Variants in FOXN3 observed in about 807,000 individuals in gnomAD.
FOXN3 encodes forkhead box N3.
In FOXN3, 7 loss-of-function variants were observed where a neutral mutation model predicts 38.4. The observed-to-expected ratio is 0.18, with a 90% CI of 0.10 to 0.34. The LOEUF (loss-of-function observed/expected upper bound fraction) is 0.34, where lower values mean the gene tolerates loss of function less well. Among genes scored for constraint, FOXN3 ranks in the 10% least tolerant of loss-of-function variants. The pLI is 1.00. For synonymous variants in FOXN3, 230 were observed against 242.2 expected (o/e 0.95, Z 0.47); for missense variants, 456 against 613.4 (o/e 0.74, Z 2.71).
chr14:89,412,544 G>T lies in FOXN3; in HGVS notation c.-14-54C>A. 2 of 1,466,428 alleles carry T rather than the reference G, an allele frequency of 1.4e-6. No individual in the cohort carries two copies. The highest frequency in any genetic ancestry group is 1.3e-5 in the South Asian group (1 of 76,136). The allele number at this position is 1,466,428 out of a possible 1,614,324, so 90.8% of individuals were successfully genotyped here. ...AGCTGGCGAGGCCCAAAACAGAAAG[G>T]CAGACTGTACCCCTCTGATCCTGTT... is the stretch of plus-strand genomic sequence containing the variant. On this transcript the variant is annotated intron_variant, in intron 1 of 5. Coordinates refer to ENST00000557258, the MANE Select transcript of FOXN3 (RefSeq NM_005197.4). This position sits in a 1 kb window ranked among gnomAD's most constrained non-coding sequence, Gnocchi z 4.7.
intron 1 of FOXN3, among the ~76,000 whole-genome samples, chr14:89,461,236 C>G (rs1418365596): frequency 4.1e-5 from 6 of 147,422 alleles, no homozygotes; most frequent in Non-Finnish European, 9.0e-5. Flanking sequence ...ACTCGGGAGG[C>G]TGAGGCAGGA....
intron 1 of FOXN3, among the ~76,000 whole-genome samples, chr14:89,432,472 G>A (rs189133756): frequency 6.6e-6 from 1 of 152,170 alleles, no homozygotes; most frequent in East Asian, 1.9e-4. Flanking sequence ...GCCAGGCACC[G>A]TGCCAAGAGC....
chr14:89,526,363 C>T (rs1894432553), intron 1 of FOXN3, among the ~76,000 whole-genome samples: 1 of 151,840 alleles, frequency 6.6e-6, no homozygotes. Flanking sequence ...GTAGAAAATC[C>T]CAAAGAATCT....
intron 1 of FOXN3, among the ~76,000 whole-genome samples, chr14:89,555,705 A>G (rs1895101919): frequency 6.6e-6 from 1 of 152,186 alleles, no homozygotes; most frequent in South Asian, 2.1e-4. Flanking sequence ...TAACCAGGTA[A>G]GGAGGCATAA....
At chr14:89,498,594 T>C (rs1893735628) in intron 1 of FOXN3, among the ~76,000 whole-genome samples, 1 of 152,184 alleles carries the variant, frequency 6.6e-6, no homozygotes, top group South Asian at 2.1e-4. Flanking sequence ...CAATTTGGGT[T>C]ATTCCTGACC....
chr14:89,193,074 G>C (rs971765096), intron 4 of FOXN3, among the ~76,000 whole-genome samples: 4 of 152,098 alleles, frequency 2.6e-5, no homozygotes, highest in Non-Finnish European at 5.9e-5. Flanking sequence ...CCTTTCTCAG[G>C]GGGTAGCCAA....
chr14:89,370,965 CACA>C (rs567948676), intron 2 of FOXN3, among the ~76,000 whole-genome samples: 103 of 150,406 alleles, frequency 6.8e-4, no homozygotes, highest in African/African-American at 2.4e-3. Flanking sequence ...GGTTCCCCAA[CACA>C]ACAACAAAAC....
At chr14:89,331,873 G>A (rs973183109) in intron 3 of FOXN3, among the ~76,000 whole-genome samples, 3 of 152,108 alleles carry the variant, frequency 2.0e-5, no homozygotes, top group Admixed American at 1.3e-4. Flanking sequence ...CCATTACGGA[G>A]TGGTAATCTT....
chr14:89,384,026 G>A (rs977637151), intron 2 of FOXN3, among the ~76,000 whole-genome samples: 1 of 152,172 alleles, frequency 6.6e-6, no homozygotes, highest in Non-Finnish European at 1.5e-5. Context: ...TTTGGTGGGG[G>A]GGGACATTTC....
chr14:89,570,403 A>G (rs1895467527), intron 1 of FOXN3, among the ~76,000 whole-genome samples: 1 of 152,082 alleles, frequency 6.6e-6, no homozygotes, highest in South Asian at 2.1e-4. Context: ...TGCTCCACCC[A>G]AGCAGTGTGG....
chr14:89,571,077 CTT>C (rs1895478941), intron 1 of FOXN3, among the ~76,000 whole-genome samples: 1 of 152,222 alleles, frequency 6.6e-6, no homozygotes, highest in Non-Finnish European at 1.5e-5. Context: ...TCCCCTCAAA[CTT>C]TTGTTCAAAA....
intron 3 of FOXN3, among the ~76,000 whole-genome samples, chr14:89,330,612 C>A (rs999549160): frequency 9.9e-5 from 15 of 152,146 alleles, no homozygotes; most frequent in African/African-American, 3.6e-4. Flanking sequence ...GGCTAAAGAC[C>A]AACTGATGAA....
chr14:89,545,500 T>G (rs1894866470), intron 1 of FOXN3, among the ~76,000 whole-genome samples: 1 of 152,186 alleles, frequency 6.6e-6, no homozygotes, highest in Non-Finnish European at 1.5e-5. Context: ...CATGTCCCAT[T>G]CGTGGCCTCC....
intron 2 of FOXN3, among the ~76,000 whole-genome samples, chr14:89,397,793 T>C (rs1342583356): frequency 6.6e-6 from 1 of 152,192 alleles, no homozygotes; most frequent in Non-Finnish European, 1.5e-5. Flanking sequence ...AGTTTCCCCA[T>C]CTGCAAAGAG....
At chr14:89,583,271 A>G (rs953289971) in intron 1 of FOXN3, among the ~76,000 whole-genome samples, 9 of 152,304 alleles carry the variant, frequency 5.9e-5, no homozygotes, top group Middle Eastern at 3.4e-3. Flanking sequence ...CTCATCCCCA[A>G]TGCAGCATTG....
chr14:89,291,744 T>C, intron 3 of FOXN3: 2 of 370,298 alleles, frequency 5.4e-6, no homozygotes, highest in Middle Eastern at 9.1e-4. Context: ...TGGGACTTCA[T>C]TCCTTGAACG....
intron 4 of FOXN3, among the ~76,000 whole-genome samples, chr14:89,254,779 G>A (rs770049561): frequency 6.6e-6 from 1 of 152,020 alleles, no homozygotes; most frequent in Non-Finnish European, 1.5e-5. Flanking sequence ...CCTTCCTAGG[G>A]GGCCTGAGAA....
intron 1 of FOXN3, among the ~76,000 whole-genome samples, chr14:89,463,072 C>G (rs373352910): frequency 3.3e-5 from 5 of 151,032 alleles, no homozygotes; most frequent in Non-Finnish European, 5.9e-5. Context: ...GGGCGGATCA[C>G]GAGGTCAGGA....
At chr14:89,284,174 AT>A (rs968755681) in intron 3 of FOXN3, among the ~76,000 whole-genome samples, 9 of 149,142 alleles carry the variant, frequency 6.0e-5, no homozygotes, top group East Asian at 3.9e-4. Context: ...TGACCCATCC[AT>A]TTTTTTTTTT....
Sources: allele counts gnomAD v4.1 joint callset (sites outside exome capture counted in the v4.1 genomes callset), GRCh38; gene constraint gnomAD v4.1.1; non-coding constraint Gnocchi (gnomAD v3.1); transcripts MANE v1.5; gene names NCBI Gene and HGNC (gene_info 2026-07-23, HGNC 2026-07-21).